ARHGEF28: variants seen among roughly 807,000 people sequenced by gnomAD.
ARHGEF28 encodes Rho guanine nucleotide exchange factor 28.
A neutral mutation model predicts 206.6 loss-of-function variants in ARHGEF28; 152 were observed. The observed-to-expected ratio is 0.74, with a 90% CI of 0.64 to 0.84. The LOEUF is 0.84. Ranked by LOEUF, ARHGEF28 falls within the 40% of genes least tolerant of loss-of-function variation. The pLI is 0.00. For missense variants in ARHGEF28, 2,028 were observed against 2,073.2 expected, an observed-to-expected ratio of 0.98 and a Z score of 0.42; for synonymous variants, 763 against 776.4, an observed-to-expected ratio of 0.98 and a Z score of 0.29.
At chr5:73,758,076 C>T (rs1233082858) in intron 4 of ARHGEF28, among the ~76,000 whole-genome samples, 1 of 152,128 alleles carries the variant, frequency 6.6e-6, no homozygotes, top group Non-Finnish European at 1.5e-5. Context: ...TTCCCAGTAG[C>T]TTGATATGGC....
At position 73,939,871 on chromosome 5, in the gene ARHGEF28, TTTTC is replaced by T. The variant is rs201248905; in HGVS notation, c.4949-969_4949-966del. On this transcript the variant is annotated intron_variant, in intron 35 of 35. Coordinates refer to ENST00000513042, the MANE Select transcript of ARHGEF28 (RefSeq NM_001177693.2). ...GGCGAGGGTTACAATGGCCTCTTTT[TTTTC>T]TTTATGTTCTTTAAATTTTTTTTTA... Among the ~76,000 whole-genome samples, 549 of 152,322 alleles carry T rather than the reference TTTTC, an allele frequency of 3.6e-3. 11 individuals carry two copies. In the East Asian group the frequency reaches 0.042, roughly 12 times the overall value.
intron 1 of ARHGEF28, among the ~76,000 whole-genome samples, chr5:73,629,074 C>G (rs1743194899): frequency 6.6e-6 from 1 of 152,092 alleles, no homozygotes; most frequent in African/African-American, 2.4e-5. Flanking sequence ...TACTATGTGC[C>G]CAGCACTGCT....
At chr5:73,835,226 C>G (rs1443220596) in intron 10 of ARHGEF28, 1 of 152,274 alleles carries the variant, frequency 6.6e-6, no homozygotes, top group Non-Finnish European at 1.5e-5. Flanking sequence ...AATCCCAGCA[C>G]TTTGGGAGGC....
chr5:73,852,917 G>T (rs1026114175), intron 14 of ARHGEF28, among the ~76,000 whole-genome samples: 1 of 152,226 alleles, frequency 6.6e-6, no homozygotes, highest in African/African-American at 2.4e-5. Context: ...AGCATGTTCT[G>T]TCTGGGTATC....
chr5:73,852,744 A>T, intron 14 of ARHGEF28, 52 bp downstream of exon 14: 1 of 1,566,802 alleles, frequency 6.4e-7, no homozygotes, highest in Non-Finnish European at 8.8e-7. Flanking sequence ...CCTTCTTTGG[A>T]AATGTCCACA....
At chr5:73,662,771 G>T (rs1359125293) in intron 1 of ARHGEF28, among the ~76,000 whole-genome samples, 1 of 152,070 alleles carries the variant, frequency 6.6e-6, no homozygotes, top group African/African-American at 2.4e-5. Context: ...TTTCCTAGGG[G>T]ATTACACTAA....
intron 2 of ARHGEF28, among the ~76,000 whole-genome samples, chr5:73,702,390 C>T (rs78572450): frequency 0.047 from 7,088 of 152,228 alleles, 543 homozygotes; most frequent in African/African-American, 0.16. Flanking sequence ...CCATCTTCTC[C>T]AGCTGAAACT....
chr5:73,886,939 G>A (rs1761339063), intron 25 of ARHGEF28, among the ~76,000 whole-genome samples: 1 of 152,188 alleles, frequency 6.6e-6, no homozygotes, highest in Non-Finnish European at 1.5e-5. Flanking sequence ...TTAAATTCTA[G>A]CTACTCAAAA....
intron 13 of ARHGEF28, among the ~76,000 whole-genome samples, chr5:73,850,672 A>T (rs572889422): frequency 1.0e-3 from 153 of 152,278 alleles, no homozygotes; most frequent in Non-Finnish European, 1.0e-4. Context: ...TGACCACACA[A>T]TTAAGAGGAA....
intron 11 of ARHGEF28, among the ~76,000 whole-genome samples, chr5:73,842,771 G>A (rs141337999): frequency 5.3e-5 from 8 of 152,222 alleles, no homozygotes; most frequent in African/African-American, 1.7e-4. Flanking sequence ...CTGAGGTCAG[G>A]AGTTTGAGAC....
At chr5:73,768,072 A>G (rs1753002882) in intron 4 of ARHGEF28, among the ~76,000 whole-genome samples, 1 of 152,212 alleles carries the variant, frequency 6.6e-6, no homozygotes, top group Non-Finnish European at 1.5e-5. Context: ...CACAGAAGTC[A>G]AGAATTGAGG....
At chr5:73,780,612 T>A (rs907764638) in intron 6 of ARHGEF28, 64 bp from the exon 7 acceptor site, 59 of 1,476,114 alleles carry the variant, frequency 4.0e-5, no homozygotes, top group Non-Finnish European at 5.2e-5. Flanking sequence ...CTCTTTGTTG[T>A]ATATCTGGAA....
Position 73,749,928 on chromosome 5 carries a change from G to A in ARHGEF28, c.125G>A (p.Arg42Gln), listed in dbSNP as rs764136450. The A allele has an allele frequency of 8.7e-6, 14 of 1,613,972 alleles. No homozygotes were observed. The Middle Eastern group carries it at 6.6e-4, about 76-fold the overall frequency. Residue 42 changes from arginine to glutamine, a missense_variant, in exon 3 of 36, where the codon CGA (arginine) becomes CAA (glutamine). Around this residue, in one of 3 missense-constraint regions of ARHGEF28, gnomAD observed 1,002 missense variants for 1,015.3 expected, o/e 0.99. Transcript: ENST00000513042. ...FYFTYDGSHQRHVMIAERIED... is the reference protein window; with the variant it reads ...FYFTYDGSHQQHVMIAERIED... ...TTTACTTATGACGGATCTCATCAGC[G>A]ACATGTCATGATTGCAGAGCGCATC...
At chr5:73,874,978 C>T (rs1760363033) in intron 22 of ARHGEF28, among the ~76,000 whole-genome samples, 2 of 151,884 alleles carry the variant, frequency 1.3e-5, no homozygotes, top group African/African-American at 4.8e-5. Context: ...GTTCTAGATC[C>T]CTGAGGAATC....
intron 1 of ARHGEF28, among the ~76,000 whole-genome samples, chr5:73,638,658 T>C (rs1743871881): frequency 6.6e-6 from 1 of 152,196 alleles, no homozygotes; most frequent in South Asian, 2.1e-4. Flanking sequence ...TATTTTGGGG[T>C]ACAGGGTGAT....
intron 35 of ARHGEF28, among the ~76,000 whole-genome samples, chr5:73,921,153 G>A (rs572322818): frequency 6.6e-6 from 1 of 152,150 alleles, no homozygotes; most frequent in African/African-American, 2.4e-5. Flanking sequence ...AATTTCCCTG[G>A]CATGGCCTTC....
chr5:73,918,703 A>G (rs879345931), intron 35 of ARHGEF28, among the ~76,000 whole-genome samples: 9 of 152,016 alleles, frequency 5.9e-5, no homozygotes, highest in Non-Finnish European at 1.2e-4. Flanking sequence ...CAGCTCCCCA[A>G]ATTCTGTGAT....
In ARHGEF28 at chr5:73,671,655, G is replaced by A. The variant is rs901169751; in HGVS notation, c.-11-13186G>A. ...AGCGATACTTAGGTGTGCCCAAGCA[G>A]AGAATTGTCAGTATCAGCTGGGTTT... is the stretch of plus-strand genomic sequence containing the variant. On this transcript the variant is annotated intron_variant, in intron 1 of 35. Coordinates refer to ENST00000513042, the MANE Select transcript of ARHGEF28 (RefSeq NM_001177693.2). 4.7e-4 allele frequency among the ~76,000 whole-genome samples: 65 copies of A among 138,182 alleles called. 1 individual carries two copies. The highest frequency in any genetic ancestry group is 1.7e-3 in the African/African-American group (65 of 38,314). The allele number at this position is 138,182 out of a possible 152,430, so 90.7% of individuals were successfully genotyped here.
Position 73,893,205 on chromosome 5 carries a change from A to C in ARHGEF28, c.3575A>C (p.Glu1192Ala). The C allele has an allele frequency of 6.5e-7, 1 of 1,550,202 alleles. No homozygotes were observed. Among genetic ancestry groups the C allele is most frequent in the Non-Finnish European group, 8.7e-7 (1 of 1,147,282 alleles). The stretch of plus-strand genomic sequence containing the variant: ...ACTATTGTCTTTTAAAGTTGTCCTG[A>C]AGAAAAAGGGGGAAGGACAAGTGAA... ...RIQQAVESCP[E>A]EKGGRTSESD... Residue 1192 changes from glutamate to alanine, a missense_variant, in exon 28 of 36, where the codon GAA becomes GCA. This residue lies in a region of ARHGEF28 where 803 missense variants were observed against 768.0 expected (regional missense o/e 1.05). Coordinates refer to ENST00000513042, the MANE Select transcript of ARHGEF28 (RefSeq NM_001177693.2).
Sources: gnomAD v4.1 joint callset for allele counts (sites outside exome capture counted in the v4.1 genomes callset) on GRCh38, gnomAD v4.1.1 for gene constraint, gnomAD v4.1.1 regional missense constraint, MANE v1.5 for transcripts, NCBI Gene and HGNC (gene_info 2026-07-23, HGNC 2026-07-21) for gene names.